Variants in IRGM observed in about 807,000 individuals in gnomAD.
IRGM encodes immunity related GTPase M.
For missense variants in IRGM, 288 were observed against 219.9 expected, an observed-to-expected ratio of 1.31 and a Z score of -1.96; for synonymous variants, 98 against 80.6, an observed-to-expected ratio of 1.22 and a Z score of -1.16.
intron 3 of IRGM, among the ~76,000 whole-genome samples, chr5:150,885,878 C>A (rs1179668658): frequency 6.6e-6 from 1 of 152,086 alleles, no homozygotes; most frequent in South Asian, 2.1e-4. Flanking sequence ...CGTTTTACTT[C>A]TTCCCTTCCT....
At chr5:150,865,529 C>T (rs1438467263) in intron 1 of IRGM, among the ~76,000 whole-genome samples, 1 of 152,116 alleles carries the variant, frequency 6.6e-6, no homozygotes, top group Admixed American at 6.5e-5. Flanking sequence ...AATACATATA[C>T]ATTATTCAAA....
intron 3 of IRGM, chr5:150,896,997 T>A: frequency 6.4e-7 from 1 of 1,565,866 alleles, no homozygotes; most frequent in Non-Finnish European, 8.7e-7. Flanking sequence ...AGATACAATT[T>A]AAGAGTCATC....
intron 3 of IRGM, among the ~76,000 whole-genome samples, chr5:150,892,398 G>A (rs1400716385): frequency 6.6e-6 from 1 of 151,914 alleles, no homozygotes; most frequent in Non-Finnish European, 1.5e-5. Context: ...GAATATCTGA[G>A]TTTTAATTAA....
At chr5:150,859,420 A>G (rs1438914510) in intron 1 of IRGM, among the ~76,000 whole-genome samples, 1 of 152,180 alleles carries the variant, frequency 6.6e-6, no homozygotes, top group Non-Finnish European at 1.5e-5. Flanking sequence ...AGGCTTTGGT[A>G]TCAGGATGAT....
At chr5:150,860,920 G>A (rs192773548) in intron 1 of IRGM, among the ~76,000 whole-genome samples, 1 of 152,142 alleles carries the variant, frequency 6.6e-6, no homozygotes, top group African/African-American at 2.4e-5. Context: ...TGATGGTATT[G>A]TATAGTTTAA....
intron 1 of IRGM, among the ~76,000 whole-genome samples, chr5:150,858,965 TG>T (rs2113261484): frequency 6.6e-6 from 1 of 152,280 alleles, no homozygotes; most frequent in South Asian, 2.1e-4. Context: ...AACACTATGT[TG>T]AATAGGAGTG....
intron 1 of IRGM, among the ~76,000 whole-genome samples, chr5:150,856,441 A>G (rs1754051534): frequency 6.6e-6 from 1 of 152,116 alleles, no homozygotes; most frequent in Non-Finnish European, 1.5e-5. Flanking sequence ...AAAAATAAAT[A>G]AATAAATAAA....
At chr5:150,857,047 C>T (rs1005100765) in intron 1 of IRGM, among the ~76,000 whole-genome samples, 21 of 151,786 alleles carry the variant, frequency 1.4e-4, no homozygotes, top group Non-Finnish European at 2.8e-4. Flanking sequence ...CGTCATTTAG[C>T]ATTAGGTATA....
At position 150,864,987 on chromosome 5, in the gene IRGM, C is replaced by T. The variant is rs76491060; in HGVS notation, c.159-12993C>T. Among the ~76,000 whole-genome samples the T allele has an allele frequency of 3.8e-3, 575 of 152,298 alleles. 5 individuals carry two copies. The highest frequency in any genetic ancestry group is 0.013 in the African/African-American group (555 of 41,552). On this transcript the variant is annotated intron_variant and NMD_transcript_variant, in intron 1 of 3. Coordinates refer to the IRGM transcript ENST00000520549. ...AGAAGGTGAAATAAAACTTCACAGA[C>T]CATTTCCCATCTCTCCCATCTCTCT...
chr5:150,885,301 C>T (rs1399783496), intron 3 of IRGM, among the ~76,000 whole-genome samples: 1 of 151,812 alleles, frequency 6.6e-6, no homozygotes, highest in East Asian at 1.9e-4. Flanking sequence ...AGTACCAAGC[C>T]ATTTTGGTTA....
At chr5:150,901,685 C>T (rs1378272825), downstream of IRGM, among the ~76,000 whole-genome samples, 2 of 151,988 alleles carry the variant, frequency 1.3e-5, no homozygotes, top group Admixed American at 1.3e-4. Flanking sequence ...CAGTACAAAC[C>T]ATGCCCCAGT....
chr5:150,898,256 G>A, intron 3 of IRGM: 1 of 1,599,602 alleles, frequency 6.3e-7, no homozygotes, highest in Admixed American at 1.7e-5. Context: ...AGTTTCAGAT[G>A]GTCTACAATA....
In IRGM at chr5:150,862,190, G is replaced by A. The variant is rs1754146301; in HGVS notation, c.158+13536G>A. On this transcript the variant is annotated intron_variant and NMD_transcript_variant, in intron 1 of 3. Coordinates refer to the IRGM transcript ENST00000520549. The stretch of plus-strand genomic sequence containing the variant: ...GCCACCCTCAGTTCCTTGCCATGTG[G>A]CACTTATTTTCCATAGTGTAGCTCT... Among the ~76,000 whole-genome samples the A allele has an allele frequency of 1.3e-5, 2 of 152,230 alleles. 1 individual carries two copies. The highest frequency in any genetic ancestry group is 4.1e-4 in the South Asian group (2 of 4,836).
exon 2 of IRGM, chr5:150,878,100 C>T (rs1754390991): frequency 8.7e-6 from 4 of 457,912 alleles, no homozygotes; most frequent in Non-Finnish European, 1.7e-5. Flanking sequence ...CTAGAAATAG[C>T]AAGGCCCAGC....
downstream of IRGM, among the ~76,000 whole-genome samples, chr5:150,853,347 A>G (rs1026691540): frequency 1.2e-4 from 19 of 152,136 alleles, no homozygotes; most frequent in Non-Finnish European, 2.5e-4. Flanking sequence ...GGCCTAATGT[A>G]TGGTCTCTCC....
intron 3 of IRGM, chr5:150,897,971 A>G (rs886697652): frequency 6.8e-7 from 1 of 1,474,616 alleles, no homozygotes. Flanking sequence ...TTCTCAGCAT[A>G]GAAGCAAAGA....
chr5:150,847,658 A>G (rs1561738224), intron 1 of IRGM, 51 bp from the exon 2 acceptor site: 1 of 159,434 alleles, frequency 6.3e-6, no homozygotes, highest in African/African-American at 2.4e-5. Flanking sequence ...AAGTCAGATG[A>G]TTCATGTGTA....
At chr5:150,897,513 T>C (rs1205154051) in intron 3 of IRGM, 1 of 155,482 alleles carries the variant, frequency 6.4e-6, no homozygotes, top group Admixed American at 6.4e-5. Context: ...TTTCTATACA[T>C]GTCAAGTAAA....
chr5:150,855,075 T>A (rs1382048940), intron 1 of IRGM, among the ~76,000 whole-genome samples: 1 of 152,154 alleles, frequency 6.6e-6, no homozygotes, highest in Admixed American at 6.5e-5. Context: ...GTTTGGAGGT[T>A]CTTAGCTTAC....
Sources: allele counts gnomAD v4.1 joint callset (sites outside exome capture counted in the v4.1 genomes callset), GRCh38; gene constraint gnomAD v4.1.1; transcripts MANE v1.5; gene names NCBI Gene and HGNC (gene_info 2026-07-23, HGNC 2026-07-21).